DCAF8L2: variants seen among roughly 807,000 people sequenced by gnomAD.
The protein encoded by DCAF8L2 is DDB1 and CUL4 associated factor 8 like 2.
For missense variants in DCAF8L2, 430 were observed against 490.7 expected (o/e 0.88, Z 1.17); for synonymous variants, 200 against 190.9 (o/e 1.05, Z -0.39).
At chrX:27,611,029 C>T (rs2147136763) in intron 1 of DCAF8L2, among the ~76,000 whole-genome samples, 1 of 112,017 alleles carries the variant, frequency 8.9e-6, no homozygotes, top group African/African-American at 3.2e-5. Context: ...ACACTTTAGC[C>T]TCAGGGCTAT....
At chrX:27,717,200 G>A (rs1931731206) in intron 4 of DCAF8L2, among the ~76,000 whole-genome samples, 2 of 112,435 alleles carry the variant, frequency 1.8e-5, no homozygotes, top group South Asian at 7.3e-4. Flanking sequence ...ACATATGTGT[G>A]CATGTATCTC....
chrX:27,535,323 G>A, the DCAF8L2 span, among the ~76,000 whole-genome samples: 1 of 111,803 alleles, frequency 8.9e-6, no homozygotes, highest in South Asian at 3.7e-4. Flanking sequence ...CAGATTCAGT[G>A]TCAAAAATCT....
At chrX:27,746,781 AC>A (rs1429299470) in intron 4 of DCAF8L2, 56 bp from the exon 5 acceptor site, 7 of 661,710 alleles carry the variant, frequency 1.1e-5, no homozygotes, top group Non-Finnish European at 1.6e-5. Context: ...TTTGATTGCC[AC>A]GCGCTTACTT....
At chrX:27,703,136 AAAG>A (rs1931193865) in intron 3 of DCAF8L2, among the ~76,000 whole-genome samples, 1 of 111,850 alleles carries the variant, frequency 8.9e-6, no homozygotes, top group East Asian at 2.8e-4. Flanking sequence ...AAATTTAACA[AAAG>A]AAGTACAAGA....
intron 4 of DCAF8L2, among the ~76,000 whole-genome samples, chrX:27,723,598 A>T (rs1234940885): frequency 2.7e-5 from 3 of 111,552 alleles, no homozygotes; most frequent in Non-Finnish European, 5.7e-5. Flanking sequence ...GGAAAACAGC[A>T]TTCTCATACA....
At chrX:27,675,428 G>T (rs1355687918) in intron 2 of DCAF8L2, among the ~76,000 whole-genome samples, 2 of 112,170 alleles carry the variant, frequency 1.8e-5, no homozygotes, top group African/African-American at 6.5e-5. Context: ...CATGAAAACA[G>T]ATTGTGAAAA....
the DCAF8L2 span, among the ~76,000 whole-genome samples, chrX:27,476,595 A>T: frequency 0.22 from 23,858 of 110,498 alleles, 2,435 homozygotes; most frequent in African/African-American, 0.37. Context: ...ATGATTATTT[A>T]ATCTTTTCAC....
chrX:27,651,298 T>C (rs1436141203), intron 2 of DCAF8L2, among the ~76,000 whole-genome samples: 2 of 110,570 alleles, frequency 1.8e-5, no homozygotes, highest in Admixed American at 1.9e-4. Context: ...ATCAGGGTGA[T>C]GTTGGCTTCA....
In DCAF8L2 at chrX:27,737,475, C is replaced by T. The variant is rs758475443; in HGVS notation, c.-58-9363C>T. 9.9e-5 allele frequency among the ~76,000 whole-genome samples: 11 copies of T among 111,641 alleles called. No individual in the cohort carries two copies. In the South Asian group the frequency reaches 4.1e-3, roughly 42 times the overall value. ...TCTGAGCCAGAGGAGCACGGGAATG[C>T]ATACACAAGGGCCCAGAAGAAAATT... On this transcript the variant is annotated intron_variant, in intron 4 of 4. Transcript: ENST00000451261.
chrX:27,652,781 A>C (rs539232625), intron 2 of DCAF8L2, among the ~76,000 whole-genome samples: 33 of 112,013 alleles, frequency 2.9e-4, no homozygotes, highest in African/African-American at 1.1e-3. Context: ...TCTGGAGTGG[A>C]GGAGGGTATC....
chrX:27,488,941 C>T, the DCAF8L2 span, among the ~76,000 whole-genome samples: 4 of 110,835 alleles, frequency 3.6e-5, no homozygotes, highest in Non-Finnish European at 7.6e-5. Flanking sequence ...GTGATGGATA[C>T]ACTAAAAATG....
At chrX:27,590,081 C>G (rs368142540), upstream of DCAF8L2, among the ~76,000 whole-genome samples, 1 of 110,892 alleles carries the variant, frequency 9.0e-6, no homozygotes, top group East Asian at 2.8e-4. Flanking sequence ...AAGACAAATC[C>G]CAAACAATTA....
chrX:27,594,513 T>G (rs1050935725), intron 1 of DCAF8L2, among the ~76,000 whole-genome samples: 1 of 111,761 alleles, frequency 8.9e-6, no homozygotes, highest in Non-Finnish European at 1.9e-5. Flanking sequence ...AGCATATTCT[T>G]CAGTGCATAC....
At chrX:27,560,868 C>T in the DCAF8L2 span, among the ~76,000 whole-genome samples, 5 of 112,158 alleles carry the variant, frequency 4.5e-5, no homozygotes, top group Admixed American at 4.7e-4. Flanking sequence ...CCATACAGCA[C>T]CTTTTCCCAC....
the DCAF8L2 span, among the ~76,000 whole-genome samples, chrX:27,531,311 G>A: frequency 9.0e-6 from 1 of 111,232 alleles, no homozygotes; most frequent in South Asian, 3.8e-4. Flanking sequence ...CAGATCTCAT[G>A]AGACTTATTC....
the DCAF8L2 span, among the ~76,000 whole-genome samples, chrX:27,502,009 G>C: frequency 9.2e-6 from 1 of 108,973 alleles, no homozygotes; most frequent in Non-Finnish European, 1.9e-5. Context: ...CCTAAACCTT[G>C]ACTGCAACTA....
chrX:27,701,197 A>T (rs1231870773), intron 3 of DCAF8L2, among the ~76,000 whole-genome samples: 1 of 111,381 alleles, frequency 9.0e-6, no homozygotes, highest in East Asian at 2.8e-4. Context: ...ACATGCTTTA[A>T]TTTTTAAAGA....
chrX:27,696,302 GAAAGAAAGAAAGAA>G (rs1392267125), intron 3 of DCAF8L2, among the ~76,000 whole-genome samples: 3 of 88,362 alleles, frequency 3.4e-5, no homozygotes, highest in East Asian at 7.0e-4. Flanking sequence ...AAGAAAGAAA[GAAAGAAAGAAAGAA>G]AGAAAGAAAG....
At chrX:27,746,495 A>G (rs1399925913) in intron 4 of DCAF8L2, among the ~76,000 whole-genome samples, 1 of 111,973 alleles carries the variant, frequency 8.9e-6, no homozygotes, top group Non-Finnish European at 1.9e-5. Context: ...AGAGGCTTCT[A>G]AAAACTATTT....
Sources: allele counts gnomAD v4.1 joint callset (sites outside exome capture counted in the v4.1 genomes callset), GRCh38; gene constraint gnomAD v4.1.1; transcripts MANE v1.5; gene names NCBI Gene and HGNC (gene_info 2026-07-23, HGNC 2026-07-21).